TRPS1: variants seen among roughly 807,000 people sequenced by gnomAD.
TRPS1 encodes the protein transcriptional repressor GATA binding 1.
A neutral mutation model predicts 101.2 loss-of-function variants in TRPS1; 6 were observed. The observed-to-expected ratio is 0.06, with a 90% confidence interval of 0.03 to 0.12. TRPS1 has a LOEUF of 0.12. Among genes scored for constraint, TRPS1 ranks in the 10% least tolerant of loss-of-function variants. The pLI, the probability that TRPS1 is intolerant of heterozygous loss-of-function variation, is 1.00. For synonymous variants in TRPS1, 578 were observed against 589.8 expected (o/e 0.98, Z 0.29); for missense variants, 1,363 against 1,567.0 (o/e 0.87, Z 2.20).
chr8:115,655,728 T>C (rs1356094979), intron 1 of TRPS1, among the ~76,000 whole-genome samples: 1 of 152,188 alleles, frequency 6.6e-6, no homozygotes, highest in African/African-American at 2.4e-5. Flanking sequence ...AAAGAGCTAC[T>C]GAACTTTTCA....
intron 5 of TRPS1, among the ~76,000 whole-genome samples, chr8:115,507,656 T>C (rs1815479968): frequency 6.6e-6 from 1 of 152,110 alleles, no homozygotes; most frequent in African/African-American, 2.4e-5. Flanking sequence ...CTAATATTAC[T>C]GTCAGCTGAA....
At chr8:115,581,958 T>C (rs1358741332) in intron 5 of TRPS1, among the ~76,000 whole-genome samples, 2 of 152,204 alleles carry the variant, frequency 1.3e-5, no homozygotes, top group Non-Finnish European at 2.9e-5. Context: ...TTTTTAATCA[T>C]TTATTTTACT....
At position 115,412,041 on chromosome 8, in the gene TRPS1, A is replaced by AC. The variant is rs1812801887; in HGVS notation, c.*1981_*1982insG. ...AAATGCGACTACAGAATGCAAAAAA[A>AC]AATCAGCGTTGCAGATTCCAGCAAC... On this transcript the variant is annotated 3_prime_UTR_variant, in exon 7 of 7. Coordinates refer to ENST00000395715, the MANE Select transcript of TRPS1 (RefSeq NM_014112.5). The AC allele has an allele frequency of 2.2e-5, 1 of 44,490 alleles. No homozygotes were observed. Among genetic ancestry groups the AC allele is most frequent in the African/African-American group, 1.6e-4 (1 of 6,124 alleles). 2.8% of individuals were successfully genotyped at this position (44,490 alleles called of 1,614,324 possible).
chr8:115,663,820 CT>C (rs1292910462), intron 1 of TRPS1, among the ~76,000 whole-genome samples: 1 of 150,192 alleles, frequency 6.7e-6, no homozygotes, highest in Non-Finnish European at 1.5e-5. Context: ...CTTCACCTAA[CT>C]AATGCTTAAC....
At chr8:115,565,993 C>T (rs1293504809) in intron 5 of TRPS1, among the ~76,000 whole-genome samples, 7 of 152,086 alleles carry the variant, frequency 4.6e-5, no homozygotes, top group Non-Finnish European at 1.0e-4. Context: ...TAATCTTGTA[C>T]CATATTTTCA....
intron 5 of TRPS1, among the ~76,000 whole-genome samples, chr8:115,484,136 T>A (rs746256401): frequency 1.3e-5 from 2 of 152,060 alleles, no homozygotes; most frequent in Non-Finnish European, 2.9e-5. Flanking sequence ...ACTTTTGCCA[T>A]TAAAATAAAC....
intron 5 of TRPS1, among the ~76,000 whole-genome samples, chr8:115,489,389 T>C (rs1814965745): frequency 6.6e-6 from 1 of 152,230 alleles, no homozygotes. Flanking sequence ...TTTTTTACTC[T>C]GCTTTGCAGA....
intron 5 of TRPS1, among the ~76,000 whole-genome samples, chr8:115,536,745 A>C (rs1480348193): frequency 6.6e-6 from 1 of 151,438 alleles, no homozygotes; most frequent in African/African-American, 2.4e-5. Flanking sequence ...ATTTTATCCT[A>C]ATGTTTAGGA....
chr8:115,479,122 C>A (rs78002663), intron 5 of TRPS1, among the ~76,000 whole-genome samples: 1,987 of 151,824 alleles, frequency 0.013, 42 homozygotes, highest in African/African-American at 0.045. Flanking sequence ...TTTCCAGTTA[C>A]CTTAAAAAAT....
chr8:115,520,076 A>T (rs1437592712), intron 5 of TRPS1, among the ~76,000 whole-genome samples: 1 of 151,712 alleles, frequency 6.6e-6, no homozygotes, highest in Admixed American at 6.6e-5. Flanking sequence ...TGTCAATGTA[A>T]TCATAATTGT....
chr8:115,610,838 CG>C (rs1818145094), intron 3 of TRPS1, among the ~76,000 whole-genome samples: 1 of 151,776 alleles, frequency 6.6e-6, no homozygotes, highest in Admixed American at 6.6e-5. Flanking sequence ...CTTAATAGGC[CG>C]GGGACAGTGG....
chr8:115,606,257 G>A (rs1818036098), intron 3 of TRPS1, among the ~76,000 whole-genome samples: 1 of 152,142 alleles, frequency 6.6e-6, no homozygotes, highest in South Asian at 2.1e-4. Context: ...TATTGTACAG[G>A]ACTAAGATTG....
chr8:115,604,388 T>C lies in TRPS1; in HGVS notation c.1581A>G (p.Gly527=), dbSNP rs755463801. 2 of 1,613,934 alleles carry C rather than the reference T, an allele frequency of 1.2e-6. No individual in the cohort carries two copies. The highest frequency in any genetic ancestry group is 1.7e-6 in the Non-Finnish European group (2 of 1,179,996). The change falls in exon 4 of 7, where the codon GGA becomes GGG. Residue 527 remains glycine (G), a synonymous_variant. Coordinates refer to ENST00000395715, the MANE Select transcript of TRPS1 (RefSeq NM_014112.5). The surrounding 1 kb of genome is among the most constrained non-coding windows in gnomAD (Gnocchi z 4.1). ...AGCTCGTTACCATATTATCCTCGGC[T>C]CCCTTGCTGGAGAAGTCCTTCTTTT... The part of the protein sequence containing the change: ...GAKKKDFSSK[G]AEDNMVTSYN...
chr8:115,435,019 CTTAT>C (rs945951240), intron 5 of TRPS1, among the ~76,000 whole-genome samples: 42 of 152,268 alleles, frequency 2.8e-4, no homozygotes, highest in African/African-American at 9.9e-4. Context: ...CTCTTATTTA[CTTAT>C]TTATTATAAA....
intron 5 of TRPS1, among the ~76,000 whole-genome samples, chr8:115,533,840 G>A (rs1044573513): frequency 9.9e-5 from 15 of 152,006 alleles, no homozygotes; most frequent in African/African-American, 3.4e-4. Context: ...AGGCTAACAT[G>A]GCCTCTACTT....
At chr8:115,435,748 AG>A (rs2129853674) in intron 5 of TRPS1, among the ~76,000 whole-genome samples, 1 of 152,186 alleles carries the variant, frequency 6.6e-6, no homozygotes, top group East Asian at 1.9e-4. Context: ...CAGCTTCCTC[AG>A]GTGGTGGTTT....
rs79870351 is a variant in TRPS1, at chr8:115,536,788, T to G, written c.2700+50213A>C. The stretch of plus-strand genomic sequence containing the variant: ...GAGTACTTACTAAATATAGCTGAAG[T>G]TTTTTTTTTGTTTTTTTTTTCCCTC... On this transcript the variant is annotated intron_variant, in intron 5 of 6. Coordinates refer to ENST00000395715, the MANE Select transcript of TRPS1 (RefSeq NM_014112.5). Among the ~76,000 whole-genome samples, 6 of 142,758 alleles carry G rather than the reference T, an allele frequency of 4.2e-5. No individual in the cohort carries two copies. The East Asian group carries it at 1.3e-3, about 31-fold the overall frequency. The allele number at this position is 142,758 out of a possible 152,430, so 93.7% of individuals were successfully genotyped here. A position where few individuals can be genotyped will look rare whatever the true frequency, so the allele number is the denominator to read the frequency against.
At chr8:115,595,991 G>A (rs1164683613) in intron 4 of TRPS1, among the ~76,000 whole-genome samples, 1 of 151,580 alleles carries the variant, frequency 6.6e-6, no homozygotes, top group African/African-American at 2.4e-5. Flanking sequence ...GATTTATTAG[G>A]TATTATTTTT....
intron 1 of TRPS1, among the ~76,000 whole-genome samples, chr8:115,635,915 T>C (rs1038121461): frequency 1.3e-5 from 2 of 152,206 alleles, no homozygotes; most frequent in African/African-American, 4.8e-5. Context: ...ATCATATGTA[T>C]TGACAAAAGT....
Sources: gnomAD v4.1 joint callset for allele counts (sites outside exome capture counted in the v4.1 genomes callset) on GRCh38, gnomAD v4.1.1 for gene constraint, Gnocchi (gnomAD v3.1) non-coding constraint, MANE v1.5 for transcripts, NCBI Gene and HGNC (gene_info 2026-07-23, HGNC 2026-07-21) for gene names.